Variants in SGCZ observed in about 807,000 individuals in gnomAD.
SGCZ encodes the protein sarcoglycan zeta, also known as zeta-sarcoglycan.
In SGCZ, 40 loss-of-function variants were observed where a neutral mutation model predicts 41.3. That is an observed-to-expected ratio of 0.97 (90% CI 0.75 to 1.26). SGCZ has a LOEUF of 1.26. SGCZ is among the 50% of genes most tolerant of loss of function. The pLI is 0.00. For synonymous variants in SGCZ, 206 were observed against 137.5 expected (o/e 1.50, Z -3.49); for missense variants, 552 against 369.8 (o/e 1.49, Z -4.04).
intron 1 of SGCZ, among the ~76,000 whole-genome samples, chr8:14,979,647 G>A (rs917448430): frequency 2.0e-4 from 30 of 152,144 alleles, no homozygotes; most frequent in Non-Finnish European, 4.4e-5. Context: ...TGAATCAAAG[G>A]CACTGTTATT....
chr8:14,324,756 G>A (rs1331275141), intron 2 of SGCZ, among the ~76,000 whole-genome samples: 2 of 152,056 alleles, frequency 1.3e-5, no homozygotes, highest in African/African-American at 2.4e-5. Context: ...GATAAAACAG[G>A]TACACAAATA....
At chr8:15,098,951 C>T (rs1046726381) in intron 1 of SGCZ, among the ~76,000 whole-genome samples, 23 of 152,078 alleles carry the variant, frequency 1.5e-4, no homozygotes, top group East Asian at 9.7e-4. Flanking sequence ...CCAGCTACTC[C>T]GGAGGCTAAG....
At chr8:15,222,774 T>C (rs13257860) in intron 1 of SGCZ, among the ~76,000 whole-genome samples, 55,908 of 151,706 alleles carry the variant, frequency 0.37, 11,314 homozygotes, top group Non-Finnish European at 0.46. Context: ...TGTGTGTCTG[T>C]GTGTGTGTGT....
At chr8:14,612,837 C>T (rs987764883) in intron 1 of SGCZ, among the ~76,000 whole-genome samples, 4 of 152,098 alleles carry the variant, frequency 2.6e-5, no homozygotes, top group Non-Finnish European at 5.9e-5. Context: ...AAGAACCTGC[C>T]ATCACACCCA....
chr8:14,868,682 C>T (rs2130697392), intron 1 of SGCZ, among the ~76,000 whole-genome samples: 1 of 152,162 alleles, frequency 6.6e-6, no homozygotes, highest in Non-Finnish European at 1.5e-5. Flanking sequence ...TGTGAAGTTA[C>T]AGAACTATAA....
At chr8:14,120,365 C>A (rs977235022) in intron 5 of SGCZ, among the ~76,000 whole-genome samples, 1 of 152,108 alleles carries the variant, frequency 6.6e-6, no homozygotes, top group Admixed American at 6.6e-5. Context: ...AAGTAAATTT[C>A]TCCACCTGAA....
chr8:14,473,937 CAA>C (rs11352108), intron 2 of SGCZ, among the ~76,000 whole-genome samples: 2,547 of 141,406 alleles, frequency 0.018, 89 homozygotes, highest in African/African-American at 0.063. Context: ...GACCCTGTCT[CAA>C]AAAAAAAAAA....
intron 1 of SGCZ, among the ~76,000 whole-genome samples, chr8:15,133,680 A>G (rs1808000755): frequency 1.3e-5 from 2 of 152,196 alleles, no homozygotes; most frequent in African/African-American, 4.8e-5. Context: ...AATAATGCCC[A>G]TGTAATTTAA....
chr8:15,191,254 T>G (rs918689119), intron 1 of SGCZ, among the ~76,000 whole-genome samples: 1 of 152,030 alleles, frequency 6.6e-6, no homozygotes, highest in East Asian at 1.9e-4. Flanking sequence ...GACTGAAAAA[T>G]TCTAAATTTT....
chr8:14,262,607 T>A (rs1399856107), intron 3 of SGCZ, among the ~76,000 whole-genome samples: 1 of 151,888 alleles, frequency 6.6e-6, no homozygotes, highest in Non-Finnish European at 1.5e-5. Flanking sequence ...TATATATATA[T>A]AATCTACATT....
At chr8:14,751,066 A>T (rs977979776) in intron 1 of SGCZ, among the ~76,000 whole-genome samples, 1 of 152,216 alleles carries the variant, frequency 6.6e-6, no homozygotes, top group Admixed American at 6.5e-5. Context: ...TTTAAATTGG[A>T]TGTAAAAGTA....
chr8:14,401,282 A>AT lies in SGCZ; in HGVS notation c.235-77079dup, dbSNP rs71209044. 1.1e-3 allele frequency among the ~76,000 whole-genome samples: 165 copies of AT among 149,748 alleles called. 3 individuals carry two copies. The East Asian group carries it at 0.028, about 25-fold the overall frequency. ...CATATATATAGTTTTATTTTTATTT[A>AT]TTTTTTTTTCTTTAATTATTATACT... On this transcript the variant is annotated intron_variant, in intron 2 of 7. Transcript: ENST00000382080.
At chr8:15,017,331 G>C (rs1803076458) in intron 1 of SGCZ, among the ~76,000 whole-genome samples, 2 of 152,140 alleles carry the variant, frequency 1.3e-5, no homozygotes, top group African/African-American at 4.8e-5. Context: ...CACCTGTATT[G>C]CAACTGCTAT....
At chr8:15,008,511 G>A (rs974354617) in intron 1 of SGCZ, among the ~76,000 whole-genome samples, 2 of 122,328 alleles carry the variant, frequency 1.6e-5, no homozygotes, top group African/African-American at 3.1e-5. Context: ...CATTAACTGG[G>A]CCTGTATAAA....
intron 1 of SGCZ, among the ~76,000 whole-genome samples, chr8:14,731,732 G>A (rs1810245407): frequency 6.6e-6 from 1 of 151,678 alleles, no homozygotes; most frequent in South Asian, 2.1e-4. Context: ...TTTAATTTTT[G>A]TTCATTTCTG....
intron 2 of SGCZ, among the ~76,000 whole-genome samples, chr8:14,411,782 C>A (rs188897028): frequency 6.6e-6 from 1 of 152,118 alleles, no homozygotes; most frequent in Non-Finnish European, 1.5e-5. Context: ...ATAAAACTCA[C>A]TGACATGTTT....
chr8:14,839,170 T>C (rs573161182), intron 1 of SGCZ, among the ~76,000 whole-genome samples: 1 of 152,158 alleles, frequency 6.6e-6, no homozygotes, highest in African/African-American at 2.4e-5. Flanking sequence ...ATGATATTGA[T>C]AGTGAAATAG....
intron 1 of SGCZ, among the ~76,000 whole-genome samples, chr8:14,577,849 T>A (rs542370362): frequency 2.0e-5 from 3 of 152,344 alleles, no homozygotes; most frequent in African/African-American, 7.2e-5. Flanking sequence ...CATATTTTTA[T>A]ACTTATTTAT....
At position 14,102,097 on chromosome 8, in the gene SGCZ, TA is replaced by T. The variant is rs1563127116; in HGVS notation, c.744+278del. On this transcript the variant is annotated intron_variant, in intron 7 of 7. Transcript: ENST00000382080. The stretch of plus-strand genomic sequence containing the variant: ...AACTTTATATATATATATATATATA[TA>T]TATATAATTTTTTTTTTTTTTAGTA... 5.9e-3 allele frequency among the ~76,000 whole-genome samples: 556 copies of T among 94,438 alleles called. 3 individuals are homozygous for T. Among genetic ancestry groups the T allele is most frequent in the Admixed American group, 0.01 (92 of 8,798 alleles). The allele number at this position is 94,438 out of a possible 152,430, so 62.0% of individuals were successfully genotyped here.
Sources: allele counts gnomAD v4.1 joint callset (sites outside exome capture counted in the v4.1 genomes callset), GRCh38; gene constraint gnomAD v4.1.1; transcripts MANE v1.5; gene names NCBI Gene and HGNC (gene_info 2026-07-23, HGNC 2026-07-21).